BCLAF3: variants seen among roughly 807,000 people sequenced by gnomAD.
The protein encoded by BCLAF3 is BCLAF1 and THRAP3 family member 3, also known as transient octamer binding factor 1.
BCLAF3 carries 24 observed loss-of-function variants against 51.2 expected under a neutral mutation model. The ratio of observed to expected loss-of-function variants is 0.47; its 90% CI spans 0.34 to 0.66. The LOEUF is 0.66. Among genes scored for constraint, BCLAF3 ranks in the 30% least tolerant of loss-of-function variants. BCLAF3 has a pLI of 0.01. For missense variants in BCLAF3, 465 were observed against 525.1 expected, an observed-to-expected ratio of 0.89 and a Z score of 1.12; for synonymous variants, 152 against 176.6, an observed-to-expected ratio of 0.86 and a Z score of 1.10.
intron 9 of BCLAF3, among the ~76,000 whole-genome samples, chrX:19,936,326 TAACTG>T (rs765045989): frequency 9.3e-4 from 104 of 111,727 alleles, no homozygotes; most frequent in Non-Finnish European, 2.3e-4. Flanking sequence ...CTGACTCAGG[TAACTG>T]ATCTGAGGTG....
At position 19,986,739 on chromosome X, in the gene BCLAF3, C is replaced by G. The variant is rs1319331565; in HGVS notation, c.-35+4169G>C. 1.8e-5 allele frequency among the ~76,000 whole-genome samples: 2 copies of G among 108,836 alleles called. 1 individual carries two copies. The highest frequency in any genetic ancestry group is 6.7e-5 in the African/African-American group (2 of 29,802). The allele number at this position is 108,836 out of a possible 115,157, so 94.5% of individuals were successfully genotyped here. A position where few individuals can be genotyped will look rare whatever the true frequency, so the allele number is the denominator to read the frequency against. On this transcript the variant is annotated intron_variant, in intron 1 of 11. Transcript: ENST00000379682. ...AAGGGGGAAGAGAGAAACTAGGTAGCAGCAGGGTGATTAGAGGTCTAGGAA... is the reference window on the plus strand; with the variant it reads ...AAGGGGGAAGAGAGAAACTAGGTAGGAGCAGGGTGATTAGAGGTCTAGGAA...
chrX:19,946,825 G>A (rs1367221828), intron 8 of BCLAF3, among the ~76,000 whole-genome samples: 1 of 111,274 alleles, frequency 9.0e-6, no homozygotes, highest in East Asian at 2.8e-4. Context: ...TAACCCTATG[G>A]CTAACACCCT....
intron 8 of BCLAF3, among the ~76,000 whole-genome samples, chrX:19,940,264 A>T (rs1165783802): frequency 2.5e-5 from 2 of 81,522 alleles, no homozygotes; most frequent in Non-Finnish European, 4.3e-5. Context: ...TTTATTTTTT[A>T]TTTATTTATT....
intron 8 of BCLAF3, among the ~76,000 whole-genome samples, 172 bp from the exon 9 acceptor site, chrX:19,937,704 C>A (rs2070825160): frequency 8.9e-6 from 1 of 112,258 alleles, no homozygotes; most frequent in Admixed American, 9.4e-5. Flanking sequence ...TAGGGCTAAA[C>A]CCCTCATTTT....
chrX:19,947,133 A>G (rs1190351319), intron 8 of BCLAF3, among the ~76,000 whole-genome samples: 1 of 112,641 alleles, frequency 8.9e-6, no homozygotes, highest in African/African-American at 3.2e-5. Flanking sequence ...ATATCTTTAT[A>G]AAGTTCACTC....
In BCLAF3 at chrX:19,965,777, C is replaced by T. The variant is rs771331799; in HGVS notation, c.612-71G>A. On this transcript the variant is annotated intron_variant, in intron 3 of 11. Coordinates refer to ENST00000379682, the MANE Select transcript of BCLAF3 (RefSeq NM_001367774.2). ...GGGAGAATTTATATGTGTAGAATGT[C>T]GGGCAGCATGGCTTTAAATGCAGAA... 7.3e-5 allele frequency: 73 copies of T among 1,000,962 alleles called. No individual in the cohort carries two copies. The East Asian group carries it at 1.4e-3, about 19-fold the overall frequency. The allele number at this position is 1,000,962 out of a possible 1,213,427, so 82.5% of individuals were successfully genotyped here.
chrX:19,988,246 T>C (rs1346914674), intron 1 of BCLAF3, among the ~76,000 whole-genome samples: 1 of 112,284 alleles, frequency 8.9e-6, no homozygotes, highest in Non-Finnish European at 1.9e-5. Context: ...ATAGCGCTTT[T>C]AAATATTTGC....
chrX:19,975,665 A>T (rs777311843), intron 1 of BCLAF3, among the ~76,000 whole-genome samples: 10 of 111,486 alleles, frequency 9.0e-5, no homozygotes, highest in African/African-American at 2.6e-4. Context: ...AATTTTTAAA[A>T]TTTTTTGTAC....
chrX:19,951,468 C>T (rs1375183902), intron 7 of BCLAF3, among the ~76,000 whole-genome samples: 3 of 103,986 alleles, frequency 2.9e-5, no homozygotes, highest in African/African-American at 1.1e-4. Context: ...TGGTGATGGG[C>T]GCCTGTAATC....
At chrX:19,952,339 CAATGAATA>C (rs1450054674) in intron 7 of BCLAF3, among the ~76,000 whole-genome samples, 4 of 108,923 alleles carry the variant, frequency 3.7e-5, no homozygotes, top group Non-Finnish European at 7.6e-5. Context: ...TCTTTATCCT[CAATGAATA>C]AATTAGCAGT....
chrX:19,937,559 A>G (rs762509206), intron 8 of BCLAF3, 27 bp from the exon 9 acceptor site: 16 of 786,553 alleles, frequency 2.0e-5, no homozygotes, highest in East Asian at 3.2e-5. Context: ...GAAAATAAGA[A>G]TATTTTATTA....
chrX:19,982,579 ACACACG>A (rs1302641545), intron 1 of BCLAF3, among the ~76,000 whole-genome samples: 3 of 94,162 alleles, frequency 3.2e-5, no homozygotes, highest in African/African-American at 5.3e-5. Flanking sequence ...ACACACACAC[ACACACG>A]CACACACACA....
chrX:19,941,448 A>G (rs1378404064), intron 8 of BCLAF3, among the ~76,000 whole-genome samples: 2 of 101,751 alleles, frequency 2.0e-5, no homozygotes, highest in Admixed American at 1.0e-4. Context: ...TGATTTTTGT[A>G]TAAGGTATAA....
chrX:19,946,203 C>G (rs1266394526), intron 8 of BCLAF3, among the ~76,000 whole-genome samples: 1 of 111,983 alleles, frequency 8.9e-6, no homozygotes, highest in Non-Finnish European at 1.9e-5. Context: ...AACCCGGTAC[C>G]TCAGATGGAA....
chrX:19,972,926 A>C (rs1287656067), intron 1 of BCLAF3, among the ~76,000 whole-genome samples: 1 of 112,276 alleles, frequency 8.9e-6, no homozygotes, highest in African/African-American at 3.2e-5. Context: ...ATTATAAATA[A>C]CGCTCTTACG....
intron 1 of BCLAF3, among the ~76,000 whole-genome samples, chrX:19,983,651 C>A (rs1294329368): frequency 9.7e-6 from 1 of 103,467 alleles, no homozygotes. Flanking sequence ...GGAGGCGGAG[C>A]TTACAGTAAG....
intron 11 of BCLAF3, among the ~76,000 whole-genome samples, chrX:19,918,888 C>T (rs926040608): frequency 2.2e-4 from 24 of 110,318 alleles, no homozygotes; most frequent in African/African-American, 7.9e-4. Flanking sequence ...ATGAGCACTT[C>T]TTATCTAGGT....
intron 8 of BCLAF3, among the ~76,000 whole-genome samples, chrX:19,948,373 A>G (rs1007513114): frequency 1.1e-4 from 12 of 112,370 alleles, no homozygotes; most frequent in African/African-American, 3.5e-4. Context: ...TCAGCCATAC[A>G]TAAGAATTCT....
intron 2 of BCLAF3, 43 bp from the exon 3 acceptor site, chrX:19,966,692 T>G: frequency 1.8e-6 from 2 of 1,098,229 alleles, no homozygotes; most frequent in South Asian, 2.0e-5. Context: ...TTTAATCAAC[T>G]AAGCGTGTCT....
Sources: gnomAD v4.1 joint callset for allele counts (sites outside exome capture counted in the v4.1 genomes callset) on GRCh38, gnomAD v4.1.1 for gene constraint, MANE v1.5 for transcripts, NCBI Gene and HGNC (gene_info 2026-07-23, HGNC 2026-07-21) for gene names.